LARP4B: variants seen among roughly 807,000 people sequenced by gnomAD.
LARP4B encodes the protein La ribonucleoprotein 4B.
In LARP4B, 12 loss-of-function variants were observed where a neutral mutation model predicts 89.8. That is an observed-to-expected ratio of 0.13 (90% CI 0.09 to 0.22). The LOEUF (loss-of-function observed/expected upper bound fraction) is 0.22, where lower values mean the gene tolerates loss of function less well. Among genes scored for constraint, LARP4B ranks in the 10% least tolerant of loss-of-function variants. The pLI, the probability that LARP4B is intolerant of heterozygous loss-of-function variation, is 1.00. For synonymous variants in LARP4B, 367 were observed against 363.3 expected (o/e 1.01, Z -0.12); for missense variants, 757 against 947.7 (o/e 0.80, Z 2.64).
intron 1 of LARP4B, among the ~76,000 whole-genome samples, chr10:887,253 T>C (rs561122055): frequency 6.6e-6 from 1 of 152,266 alleles, no homozygotes; most frequent in South Asian, 2.1e-4. Flanking sequence ...TATTGTATTG[T>C]ACACTCGAAA....
At chr10:921,494 G>A (rs919065697) in intron 1 of LARP4B, among the ~76,000 whole-genome samples, 2 of 152,034 alleles carry the variant, frequency 1.3e-5, no homozygotes, top group Non-Finnish European at 2.9e-5. Flanking sequence ...TTCCTGTAAG[G>A]TTGGCAGGGG....
chr10:814,923 GC>G lies in LARP4B; in HGVS notation c.1820+22del. 6.3e-7 allele frequency: 1 copy of G among 1,577,622 alleles called. No homozygotes were observed. The highest frequency in any genetic ancestry group is 8.6e-7 in the Non-Finnish European group (1 of 1,157,194). On this transcript the variant is annotated intron_variant, in intron 16 of 17. Transcript: ENST00000316157. The surrounding 1 kb of genome is among the most constrained non-coding windows in gnomAD (Gnocchi z 4.4). Reference sequence around the variant, plus strand: ...CATTCAAGTCAGTCAACACCAAGGCGCTGGAAGAACACCAATACTCACTCGG... The same window carrying G: ...CATTCAAGTCAGTCAACACCAAGGCGTGGAAGAACACCAATACTCACTCGG...
chr10:925,644 C>T (rs184850338), intron 1 of LARP4B, among the ~76,000 whole-genome samples: 25 of 152,220 alleles, frequency 1.6e-4, no homozygotes, highest in African/African-American at 2.6e-4. Context: ...AGCAATTCTC[C>T]CGCCTCAGCC....
At chr10:986,560 G>C in the LARP4B span, 1 of 152,206 alleles carries the variant, frequency 6.6e-6, no homozygotes, top group South Asian at 2.1e-4. Flanking sequence ...ACACGCACAT[G>C]GTGTAAGATG....
intron 7 of LARP4B, among the ~76,000 whole-genome samples, chr10:841,875 A>G (rs1833535861): frequency 6.6e-6 from 1 of 152,270 alleles, no homozygotes; most frequent in South Asian, 2.1e-4. Flanking sequence ...ACAGAAAAAC[A>G]TAAAACTTTT....
chr10:975,969 TA>T, the LARP4B span, among the ~76,000 whole-genome samples: 1 of 146,448 alleles, frequency 6.8e-6, no homozygotes, highest in African/African-American at 2.6e-5. Context: ...GGACCCGGCC[TA>T]GTAGAAGGTA....
chr10:857,628 G>A (rs755008338), intron 5 of LARP4B, among the ~76,000 whole-genome samples: 128 of 152,152 alleles, frequency 8.4e-4, no homozygotes, highest in Non-Finnish European at 1.5e-3. Context: ...TTCTGCATAC[G>A]TCAAGCGCTC....
At chr10:920,453 T>C (rs1477720248) in intron 1 of LARP4B, among the ~76,000 whole-genome samples, 1 of 152,266 alleles carries the variant, frequency 6.6e-6, no homozygotes, top group African/African-American at 2.4e-5. Context: ...AAGTACTATT[T>C]AATTCACACC....
intron 1 of LARP4B, among the ~76,000 whole-genome samples, chr10:908,767 G>A (rs1836570126): frequency 6.6e-6 from 1 of 152,204 alleles, no homozygotes; most frequent in Non-Finnish European, 1.5e-5. Context: ...AAAATATACT[G>A]AAAGCTATGA....
At chr10:940,945 C>T in the LARP4B span, among the ~76,000 whole-genome samples, 1 of 152,034 alleles carries the variant, frequency 6.6e-6, no homozygotes, top group Admixed American at 6.5e-5. Context: ...ACAGACTCAG[C>T]TGGAGAGGTG....
At chr10:897,721 C>T (rs1478099132) in intron 1 of LARP4B, among the ~76,000 whole-genome samples, 1 of 152,100 alleles carries the variant, frequency 6.6e-6, no homozygotes, top group African/African-American at 2.4e-5. Flanking sequence ...AGCGCAGTGG[C>T]TCACATCTGT....
intron 11 of LARP4B, among the ~76,000 whole-genome samples, chr10:827,694 AC>A (rs1346585404): frequency 6.6e-6 from 1 of 152,200 alleles, no homozygotes; most frequent in Non-Finnish European, 1.5e-5. Flanking sequence ...GAGAGGGTCA[AC>A]CATGATTAAA....
chr10:849,566 G>A lies in LARP4B; in HGVS notation c.431-4511C>T, dbSNP rs183454225. Among the ~76,000 whole-genome samples, 292 of 152,236 alleles carry A rather than the reference G, an allele frequency of 1.9e-3. 1 individual carries two copies. Among genetic ancestry groups the A allele is most frequent in the African/African-American group, 6.7e-3 (278 of 41,534 alleles). ...TACATAAGAATTTTAAATAATTTAC[G>A]AAGATTCGTGTCCTCATGGAGGGGG... On this transcript the variant is annotated intron_variant, in intron 5 of 17. Coordinates refer to ENST00000316157, the MANE Select transcript of LARP4B (RefSeq NM_015155.3).
chr10:966,750 G>C, the LARP4B span, among the ~76,000 whole-genome samples: 2 of 152,220 alleles, frequency 1.3e-5, no homozygotes, highest in Non-Finnish European at 1.5e-5. Flanking sequence ...TGTGGCTGAC[G>C]CCTGGAGAAG....
chr10:898,994 A>C (rs1836261958), intron 1 of LARP4B, among the ~76,000 whole-genome samples: 1 of 152,242 alleles, frequency 6.6e-6, no homozygotes, highest in Non-Finnish European at 1.5e-5. Flanking sequence ...AAGTGCACCT[A>C]CAGTTTCCTT....
chr10:883,049 C>T (rs1210307873), intron 3 of LARP4B, among the ~76,000 whole-genome samples: 2 of 152,164 alleles, frequency 1.3e-5, no homozygotes, highest in Non-Finnish European at 2.9e-5. Flanking sequence ...CAATAGGTTT[C>T]TAAAGATGTC....
chr10:952,303 G>T, the LARP4B span, among the ~76,000 whole-genome samples: 1 of 126,050 alleles, frequency 7.9e-6, no homozygotes, highest in Admixed American at 1.0e-4. Flanking sequence ...TCAAGATGCT[G>T]CACTCCAGCC....
chr10:858,873 T>C (rs1422899757), intron 5 of LARP4B, among the ~76,000 whole-genome samples: 1 of 152,146 alleles, frequency 6.6e-6, no homozygotes, highest in Non-Finnish European at 1.5e-5. Flanking sequence ...GAAAATAGGC[T>C]GGGCGCAGTG....
chr10:962,090 C>G, the LARP4B span, among the ~76,000 whole-genome samples: 1 of 151,928 alleles, frequency 6.6e-6, no homozygotes, highest in Non-Finnish European at 1.5e-5. Flanking sequence ...GTCGGGAGTT[C>G]GAGACCAGCC....
Sources: gnomAD v4.1 joint callset for allele counts (sites outside exome capture counted in the v4.1 genomes callset) on GRCh38, gnomAD v4.1.1 for gene constraint, Gnocchi (gnomAD v3.1) non-coding constraint, MANE v1.5 for transcripts, NCBI Gene and HGNC (gene_info 2026-07-23, HGNC 2026-07-21) for gene names.